Variants in GAREM2 observed in about 807,000 individuals in gnomAD.
GAREM2 encodes GRB2-associated and regulator of MAPK protein 2.
A neutral mutation model predicts 55.6 loss-of-function variants in GAREM2; 30 were observed. The ratio of observed to expected loss-of-function variants is 0.54; its 90% CI spans 0.40 to 0.73. GAREM2 has a LOEUF of 0.73. Ranked by LOEUF, GAREM2 falls within the 30% of genes least tolerant of loss-of-function variation. The pLI, the probability that GAREM2 is intolerant of heterozygous loss-of-function variation, is 0.00. For synonymous variants in GAREM2, 550 were observed against 569.1 expected (o/e 0.97, Z 0.48); for missense variants, 1,075 against 1,257.7 (o/e 0.85, Z 2.20).
At chr2:26,191,274 G>C (rs1463426110), downstream of GAREM2, 18 of 1,612,854 alleles carry the variant, frequency 1.1e-5, no homozygotes, top group East Asian at 4.0e-4. Context: ...TCTTGTTAGG[G>C]CTGTTAGCAT....
At position 26,187,785 on chromosome 2, in the gene GAREM2, G is replaced by A. The variant is rs1669334498; in HGVS notation, c.2153G>A (p.Arg718His). The A allele has an allele frequency of 2.8e-6, 4 of 1,446,126 alleles. No homozygotes were observed. The highest frequency in any genetic ancestry group is 1.8e-6 in the Non-Finnish European group (2 of 1,094,938). The allele number at this position is 1,446,126 out of a possible 1,614,324, so 89.6% of individuals were successfully genotyped here. Residue 718 changes from arginine to histidine, a missense_variant, in exon 6 of 6, where the codon CGT becomes CAT. Physicochemically the swap from Arg to His is conservative, Grantham distance 29. Transcript: ENST00000401533. The part of the protein sequence containing the change: ...QGSSPEPELL[R>H]SQEPRAVGTP... ...AGTTCTCCAGAGCCTGAGCTGCTGC[G>A]TTCTCAGGAGCCCAGAGCAGTGGGG...
chr2:26,195,697 T>A, the GAREM2 span, among the ~76,000 whole-genome samples: 1 of 152,166 alleles, frequency 6.6e-6, no homozygotes, highest in East Asian at 1.9e-4. Context: ...TAGGTTTAAC[T>A]AACACTCCTC....
At position 26,187,404 on chromosome 2, in the gene GAREM2, T is replaced by C; in HGVS notation, c.1772T>C (p.Leu591Pro). ...SQASRALTEP[L>P]SGRAASLLGA... ...GCCTCCCGGGCCCTCACAGAGCCTC[T>C]GAGCGGTCGAGCCGCCTCCCTTCTG... Residue 591 changes from leucine (L) to proline (P), a missense_variant, in exon 6 of 6, where the codon CTG becomes CCG. This residue lies in a region of GAREM2 where 515 missense variants were observed against 501.5 expected (regional missense o/e 1.03). Transcript: ENST00000401533. 6.5e-7 allele frequency: 1 copy of C among 1,547,620 alleles called. No individual in the cohort carries two copies. Among genetic ancestry groups the C allele is most frequent in the Non-Finnish European group, 8.7e-7 (1 of 1,145,012 alleles).
chr2:26,180,460 TCAGTCTATTTCACTGGC>T lies in GAREM2; in HGVS notation c.254-2490_254-2474del, dbSNP rs571148278. Among the ~76,000 whole-genome samples, 26 of 152,278 alleles carry T rather than the reference TCAGTCTATTTCACTGGC, an allele frequency of 1.7e-4. No individual in the cohort carries two copies. The East Asian group carries it at 3.9e-3, about 23-fold the overall frequency. On this transcript the variant is annotated intron_variant, in intron 2 of 5. Transcript: ENST00000401533. ...GCTGCCACCTGTGGGCTGGTGACCT[TCAGTCTATTTCACTGGC>T]CAGTCTATTTCACTGGTGGCACCCA...
the GAREM2 span, among the ~76,000 whole-genome samples, chr2:26,196,467 ATATACATCCAT>A: frequency 6.6e-6 from 1 of 152,216 alleles, no homozygotes; most frequent in Non-Finnish European, 1.5e-5. Context: ...TGACAACTGT[ATATACATCCAT>A]ATAATCACTA....
chr2:26,182,323 A>G, intron 2 of GAREM2: 1 of 1,472,032 alleles, frequency 6.8e-7, no homozygotes, highest in Non-Finnish European at 9.0e-7. Context: ...TTCAGGTCAG[A>G]GCCTCTGGGA....
Position 26,187,329 on chromosome 2 carries a change from C to G in GAREM2, c.1697C>G (p.Ser566Cys). The change falls in exon 6 of 6, where the codon TCT becomes TGT. Residue 566 changes from serine (S) to cysteine (C), a missense_variant. By Grantham distance (112) the Ser-to-Cys change is moderately radical (BLOSUM62 -1). Coordinates refer to ENST00000401533, the MANE Select transcript of GAREM2 (RefSeq NM_001168241.2). Reference sequence around the variant, plus strand: ...GGAGACTGCAAGGTGGGCGAGTCCTCTAGCCGCCCAGCCCCCGGTCCCCTA... The same window carrying G: ...GGAGACTGCAAGGTGGGCGAGTCCTGTAGCCGCCCAGCCCCCGGTCCCCTA... ...TWGDCKVGESSSRPAPGPLPS... is the reference protein window; with the variant it reads ...TWGDCKVGESCSRPAPGPLPS... 3.3e-6 allele frequency: 5 copies of G among 1,537,108 alleles called. No individual in the cohort carries two copies. The highest frequency in any genetic ancestry group is 3.5e-6 in the Non-Finnish European group (4 of 1,139,300).
Position 26,184,969 on chromosome 2 carries a change from G to C in GAREM2, c.1121G>C (p.Ser374Thr). ...GCGGAGCTCGCCGAAGACTGCGCCA[G>C]CCCGCGCCGCGCGCGCCTCTGCCTG... is the stretch of plus-strand genomic sequence containing the variant. ...APAELAEDCA[S>T]PRRARLCLPA... Residue 374 changes from serine (S) to threonine (T), a missense_variant, in exon 4 of 6, where the codon AGC becomes ACC. Ser to Thr is a moderately conservative substitution (Grantham distance 58). This residue lies in a region of GAREM2 where 515 missense variants were observed against 501.5 expected (regional missense o/e 1.03). Coordinates refer to ENST00000401533, the MANE Select transcript of GAREM2 (RefSeq NM_001168241.2). 2 of 1,204,264 alleles carry C rather than the reference G, an allele frequency of 1.7e-6. No individual in the cohort carries two copies. Among genetic ancestry groups the C allele is most frequent in the Non-Finnish European group, 2.1e-6 (2 of 971,128 alleles). 74.6% of individuals were successfully genotyped at this position (1,204,264 alleles called of 1,614,324 possible). A position where few individuals can be genotyped will look rare whatever the true frequency, so the allele number is the denominator to read the frequency against.
downstream of GAREM2, chr2:26,192,524 C>T (rs935700732): frequency 1.7e-5 from 13 of 762,368 alleles, no homozygotes; most frequent in South Asian, 5.5e-5. Flanking sequence ...TGGTGGCTCA[C>T]GCCTGTAATC....
In GAREM2 at chr2:26,174,320, C is replaced by T. The variant is rs79974993; in HGVS notation, c.112+988C>T. Among the ~76,000 whole-genome samples, 639 of 152,362 alleles carry T rather than the reference C, an allele frequency of 4.2e-3. 4 individuals are homozygous for T. Among genetic ancestry groups the T allele is most frequent in the African/African-American group, 0.014 (597 of 41,586 alleles). On this transcript the variant is annotated intron_variant, in intron 1 of 5. Coordinates refer to ENST00000401533, the MANE Select transcript of GAREM2 (RefSeq NM_001168241.2). ...CCGTCGGGCAGGCCAGCGTCTAGTT[C>T]TCTGGCTCGCGGCCGAGTGGTCAGA...
At position 26,184,317 on chromosome 2, in the gene GAREM2, G is replaced by T; in HGVS notation, c.469G>T (p.Ala157Ser). 6.4e-7 allele frequency: 1 copy of T among 1,550,890 alleles called. No homozygotes were observed. The highest frequency in any genetic ancestry group is 8.7e-7 in the Non-Finnish European group (1 of 1,146,814). Residue 157 changes from alanine to serine, a missense_variant, in exon 4 of 6, where the codon GCG (alanine) becomes TCG (serine). Ala to Ser is a moderately conservative substitution (Grantham distance 99, BLOSUM62 1). Around this residue, in one of 6 missense-constraint regions of GAREM2, gnomAD observed 230 missense variants for 310.6 expected, o/e 0.74. Coordinates refer to ENST00000401533, the MANE Select transcript of GAREM2 (RefSeq NM_001168241.2). ...CGACGAGCTCACTCTTATGGGCCAGGCGGAGATCCTGTGCGCCAAGACCAC... is the reference window on the plus strand; with the variant it reads ...CGACGAGCTCACTCTTATGGGCCAGTCGGAGATCCTGTGCGCCAAGACCAC... The part of the protein sequence containing the change: ...AGDELTLMGQ[A>S]EILCAKTTKE...
chr2:26,182,179 A>T, intron 2 of GAREM2: 1 of 1,343,996 alleles, frequency 7.4e-7, no homozygotes, highest in Non-Finnish European at 9.6e-7. Flanking sequence ...TTACACAGGG[A>T]TGTCAGCTTC....
At chr2:26,182,043 G>T in intron 2 of GAREM2, 1 of 1,006,648 alleles carries the variant, frequency 9.9e-7, no homozygotes, top group Non-Finnish European at 1.2e-6. Flanking sequence ...ACCTATTCAT[G>T]GCTCTCTTCC....
chr2:26,190,291 A>C (rs1669453209), downstream of GAREM2, among the ~76,000 whole-genome samples: 1 of 151,848 alleles, frequency 6.6e-6, no homozygotes, highest in Non-Finnish European at 1.5e-5. Context: ...TTCCGCACAC[A>C]CTCAGCGTGG....
In GAREM2 at chr2:26,187,948, T is replaced by C; in HGVS notation, c.2316T>C (p.Phe772=). Residue 772 remains phenylalanine, a synonymous_variant, in exon 6 of 6, where the codon TTT becomes TTC. Transcript: ENST00000401533. ...GACCCGAGGCGGGAGGAGCACTTTT[T>C]CTAACCCAAGGGCGCCTGGAAGGGC... The part of the protein sequence containing the change: ...LQGPEAGGAL[F]LTQGRLEGPP... The C allele has an allele frequency of 6.9e-7, 1 of 1,452,018 alleles. No homozygotes were observed. The highest frequency in any genetic ancestry group is 9.1e-7 in the Non-Finnish European group (1 of 1,097,900). The allele number at this position is 1,452,018 out of a possible 1,614,324, so 89.9% of individuals were successfully genotyped here.
downstream of GAREM2, chr2:26,191,562 C>A: frequency 6.2e-7 from 1 of 1,614,152 alleles, no homozygotes; most frequent in Non-Finnish European, 8.5e-7. Flanking sequence ...TCCCCTCTTG[C>A]AGGCACATGA....
intron 1 of GAREM2, among the ~76,000 whole-genome samples, chr2:26,174,189 G>T (rs1668787698): frequency 6.6e-6 from 1 of 152,206 alleles, no homozygotes; most frequent in African/African-American, 2.4e-5. Flanking sequence ...CAGGCTCCTC[G>T]TCTCCCCGTG....
At chr2:26,194,157 C>T (rs1339702107), downstream of GAREM2, among the ~76,000 whole-genome samples, 1 of 152,166 alleles carries the variant, frequency 6.6e-6, no homozygotes, top group African/African-American at 2.4e-5. Flanking sequence ...GGTAAGTGCC[C>T]AGCGAGGAGG....
In GAREM2 at chr2:26,187,211, G is replaced by C; in HGVS notation, c.1599-20G>C. ...TCAGCCTCACCTGTCCTATGTGTGT[G>C]TGTCTGTCTCTGTCCACAGGGCGGG... On this transcript the variant is annotated intron_variant, in intron 5 of 5. Coordinates refer to ENST00000401533, the MANE Select transcript of GAREM2 (RefSeq NM_001168241.2). 6.9e-7 allele frequency: 1 copy of C among 1,441,078 alleles called. No individual in the cohort carries two copies. Among genetic ancestry groups the C allele is most frequent in the Non-Finnish European group, 9.2e-7 (1 of 1,091,746 alleles). The allele number at this position is 1,441,078 out of a possible 1,614,324, so 89.3% of individuals were successfully genotyped here. A position where few individuals can be genotyped will look rare whatever the true frequency, so the allele number is the denominator to read the frequency against.
Sources: allele counts gnomAD v4.1 joint callset (sites outside exome capture counted in the v4.1 genomes callset), GRCh38; gene constraint gnomAD v4.1.1; regional missense constraint gnomAD v4.1.1; transcripts MANE v1.5; gene names NCBI Gene and HGNC (gene_info 2026-07-23, HGNC 2026-07-21).